The following CHN2 variants were observed in gnomAD, a reference collection of about 807,000 sequenced individuals.
The protein encoded by CHN2 is beta-chimaerin.
In CHN2, 35 loss-of-function variants were observed where a neutral mutation model predicts 56.3. That is an observed-to-expected ratio of 0.62 (90% CI 0.47 to 0.82). CHN2 has a LOEUF of 0.82. Ranked by LOEUF, CHN2 falls within the 40% of genes least tolerant of loss-of-function variation. The pLI is 0.00. For missense variants in CHN2, 491 were observed against 580.5 expected (o/e 0.85, Z 1.58); for synonymous variants, 210 against 212.8 (o/e 0.99, Z 0.12).
At chr7:29,347,685 T>C (rs1797564101) in intron 1 of CHN2, among the ~76,000 whole-genome samples, 1 of 152,178 alleles carries the variant, frequency 6.6e-6, no homozygotes, top group Non-Finnish European at 1.5e-5. Context: ...AAACTTGAAT[T>C]GACGCAGACC....
chr7:29,429,572 C>T (rs1562600027), intron 6 of CHN2, among the ~76,000 whole-genome samples: 2 of 124,272 alleles, frequency 1.6e-5, no homozygotes. Context: ...GCATGAGTTA[C>T]ACACACACAG....
chr7:29,509,830 G>A, intron 12 of CHN2: 1 of 145,350 alleles, frequency 6.9e-6, no homozygotes, highest in Admixed American at 7.0e-5. Context: ...GGGCAACAGA[G>A]CGAGACTCCA....
At chr7:29,332,593 GC>G (rs1796312267) in intron 1 of CHN2, among the ~76,000 whole-genome samples, 1 of 148,906 alleles carries the variant, frequency 6.7e-6, no homozygotes, top group African/African-American at 2.5e-5. Context: ...AGGGTAAACA[GC>G]CCATCCTCCA....
At chr7:29,483,840 G>A (rs1009684309) in intron 7 of CHN2, 75 of 1,284,224 alleles carry the variant, frequency 5.8e-5, no homozygotes, top group Admixed American at 7.3e-5. Context: ...GCTTTAGCCC[G>A]CATAGTACTC....
chr7:29,452,470 G>A (rs1784471325), intron 6 of CHN2, among the ~76,000 whole-genome samples: 1 of 152,194 alleles, frequency 6.6e-6, no homozygotes, highest in Non-Finnish European at 1.5e-5. Context: ...TACACCTGCA[G>A]TATGCCTGTA....
At chr7:29,214,864 G>C (rs570162990) in intron 1 of CHN2, among the ~76,000 whole-genome samples, 3 of 152,154 alleles carry the variant, frequency 2.0e-5, no homozygotes, top group Admixed American at 2.0e-4. Flanking sequence ...CATAAAACGT[G>C]AGTGCAGAGT....
intron 6 of CHN2, among the ~76,000 whole-genome samples, chr7:29,443,511 A>T (rs1452113434): frequency 1.3e-5 from 2 of 151,890 alleles, no homozygotes; most frequent in African/African-American, 4.8e-5. Context: ...ATACATGACT[A>T]TGTGTGTGTG....
intron 1 of CHN2, among the ~76,000 whole-genome samples, chr7:29,242,161 C>T (rs1253777619): frequency 6.6e-6 from 1 of 152,122 alleles, no homozygotes; most frequent in East Asian, 1.9e-4. Context: ...TGTCATGTAG[C>T]TTATAAGTGA....
intron 1 of CHN2, among the ~76,000 whole-genome samples, chr7:29,294,029 G>A (rs1426506591): frequency 6.6e-6 from 1 of 152,012 alleles, no homozygotes; most frequent in African/African-American, 2.4e-5. Flanking sequence ...ACCACGCCCA[G>A]CTAATTTTTT....
intron 2 of CHN2, among the ~76,000 whole-genome samples, chr7:29,160,759 G>T (rs1444302322): frequency 6.6e-6 from 1 of 152,184 alleles, no homozygotes; most frequent in East Asian, 1.9e-4. Context: ...GGCTAAAAGA[G>T]CCTGGGCTCT....
rs1378750159 is a variant in CHN2, at chr7:29,273,374, TATATATATATATATAC to T, written c.49+78386_49+78401del. Among the ~76,000 whole-genome samples, 162 of 54,292 alleles carry T rather than the reference TATATATATATATATAC, an allele frequency of 3.0e-3. 4 individuals carry two copies. The highest frequency in any genetic ancestry group is 0.011 in the African/African-American group (130 of 12,034). The allele number at this position is 54,292 out of a possible 152,430, so 35.6% of individuals were successfully genotyped here. A position where few individuals can be genotyped will look rare whatever the true frequency, so the allele number is the denominator to read the frequency against. On this transcript the variant is annotated intron_variant, in intron 1 of 12. Coordinates refer to ENST00000222792, the MANE Select transcript of CHN2 (RefSeq NM_004067.4). ...ATATATATATATATATATATATATA[TATATATATATATATAC>T]ACACACCACATTTTCTTTATTGGTT... is the stretch of plus-strand genomic sequence containing the variant.
chr7:29,341,780 T>A (rs1328031238), intron 1 of CHN2, among the ~76,000 whole-genome samples: 1 of 152,232 alleles, frequency 6.6e-6, no homozygotes, highest in Non-Finnish European at 1.5e-5. Flanking sequence ...GAGAAAGAAC[T>A]GAAAATTTCA....
At chr7:29,402,980 C>T (rs187158161) in intron 6 of CHN2, among the ~76,000 whole-genome samples, 7 of 152,088 alleles carry the variant, frequency 4.6e-5, no homozygotes, top group Admixed American at 2.0e-4. Flanking sequence ...AACGGTAAAT[C>T]AAGAAAATAT....
intron 1 of CHN2, among the ~76,000 whole-genome samples, chr7:29,302,587 GA>G: frequency 7.0e-6 from 1 of 142,996 alleles, no homozygotes; most frequent in Admixed American, 7.3e-5. Context: ...GCGATCCTCT[GA>G]AAGTGCTGGG....
intron 1 of CHN2, among the ~76,000 whole-genome samples, chr7:29,316,513 C>T (rs919084470): frequency 2.6e-5 from 4 of 152,148 alleles, no homozygotes; most frequent in Non-Finnish European, 5.9e-5. Context: ...TATTTTCTGA[C>T]ACAGTTCAGT....
Position 29,153,201 on chromosome 7 carries a change from C to G in CHN2, c.274+6241C>G, listed in dbSNP as rs976216410. ...TTTGTTCCCTGGTTTATAAGTGTTA[C>G]ATATCTAGACATATGGTATGTGGGC... On this transcript the variant is annotated intron_variant, in intron 2 of 6. Coordinates refer to the CHN2 transcript ENST00000439384. 7.9e-5 allele frequency among the ~76,000 whole-genome samples: 12 copies of G among 152,306 alleles called. No individual in the cohort carries two copies. The South Asian group carries it at 2.5e-3, about 32-fold the overall frequency.
chr7:29,400,338 C>G, intron 5 of CHN2: 1 of 597,390 alleles, frequency 1.7e-6, no homozygotes, highest in Non-Finnish European at 3.0e-6. Flanking sequence ...CTTCAAGCAT[C>G]AGTTACCTTT....
At chr7:29,293,519 CTGT>C (rs1270329427) in intron 1 of CHN2, among the ~76,000 whole-genome samples, 1 of 152,232 alleles carries the variant, frequency 6.6e-6, no homozygotes, top group East Asian at 1.9e-4. Flanking sequence ...CTTCTGGTCA[CTGT>C]TACTTCTCTG....
intron 5 of CHN2, 23 bp from the exon 6 acceptor site, chr7:29,400,520 A>G (rs1394567197): frequency 5.0e-6 from 8 of 1,610,624 alleles, no homozygotes; most frequent in Non-Finnish European, 6.8e-6. Context: ...CGTGGTTGTA[A>G]TCCCTCATTC....
Sources: allele counts gnomAD v4.1 joint callset (sites outside exome capture counted in the v4.1 genomes callset), GRCh38; gene constraint gnomAD v4.1.1; transcripts MANE v1.5; gene names NCBI Gene and HGNC (gene_info 2026-07-23, HGNC 2026-07-21).